The following PDE4B variants were observed in gnomAD, a reference collection of about 807,000 sequenced individuals.
PDE4B encodes the protein phosphodiesterase 4B, also known as 3',5'-cyclic-AMP phosphodiesterase 4B.
A neutral mutation model predicts 82.2 loss-of-function variants in PDE4B; 20 were observed. That is an observed-to-expected ratio of 0.24 (90% CI 0.17 to 0.35). The LOEUF is 0.35. PDE4B is among the 10% of genes least tolerant of loss of function. The probability of loss-of-function intolerance (pLI) is 1.00; values close to 1 mark genes in which losing one functional copy is unlikely to be tolerated. For synonymous variants in PDE4B, 320 were observed against 318.9 expected (o/e 1.00, Z -0.04); for missense variants, 655 against 907.2 (o/e 0.72, Z 3.57).
At chr1:65,865,597 A>G (rs1646502039) in intron 1 of PDE4B, among the ~76,000 whole-genome samples, 1 of 152,156 alleles carries the variant, frequency 6.6e-6, no homozygotes, top group African/African-American at 2.4e-5. Context: ...GGTGGGCCCA[A>G]TAGCACAGTC....
In PDE4B at chr1:65,893,400, G is replaced by A. The variant is rs370764444; in HGVS notation, c.-70-19845G>A. ...ATGCTCAACATCACTAATCATCAGC[G>A]AAATGCAAATTAAACCCACAATGAG... On this transcript the variant is annotated intron_variant, in intron 1 of 16. Coordinates refer to ENST00000341517, the MANE Select transcript of PDE4B (RefSeq NM_002600.4). Among the ~76,000 whole-genome samples the A allele has an allele frequency of 9.9e-5, 15 of 151,988 alleles. No homozygotes were observed. The South Asian group carries it at 2.3e-3, about 23-fold the overall frequency.
At chr1:65,918,553 C>A (rs1455904290) in intron 2 of PDE4B, 44 bp from the exon 3 acceptor site, 1 of 1,172,144 alleles carries the variant, frequency 8.5e-7, no homozygotes, top group Non-Finnish European at 1.3e-6. Context: ...ATTTGAATTT[C>A]ATTTTCTTTC....
chr1:66,222,362 A>G (rs1163885889), intron 3 of PDE4B, among the ~76,000 whole-genome samples: 2 of 152,236 alleles, frequency 1.3e-5, no homozygotes, highest in African/African-American at 4.8e-5. Context: ...CTTTAATGAC[A>G]ATATTTAATT....
At chr1:65,999,659 A>T (rs1185564986) in intron 3 of PDE4B, among the ~76,000 whole-genome samples, 2 of 152,136 alleles carry the variant, frequency 1.3e-5, no homozygotes, top group Non-Finnish European at 2.9e-5. Flanking sequence ...TACATTATAG[A>T]CATGCTTATT....
At position 66,032,901 on chromosome 1, in the gene PDE4B, G is replaced by A. The variant is rs149772318; in HGVS notation, c.281+114066G>A. Among the ~76,000 whole-genome samples the A allele has an allele frequency of 1.9e-4, 28 of 151,172 alleles. 1 individual carries two copies. In the East Asian group the frequency reaches 2.7e-3, roughly 15 times the overall value. ...GATCTTCTGACCTTGTGATCCACCC[G>A]CCTCAGCCTCCCAAAGTGCTGGGAT... On this transcript the variant is annotated intron_variant, in intron 3 of 16. Transcript: ENST00000341517.
At chr1:66,011,265 T>A (rs1241950294) in intron 3 of PDE4B, among the ~76,000 whole-genome samples, 1 of 151,938 alleles carries the variant, frequency 6.6e-6, no homozygotes, top group Non-Finnish European at 1.5e-5. Context: ...TTAGCTCTAT[T>A]TCTATGGATG....
intron 3 of PDE4B, among the ~76,000 whole-genome samples, chr1:66,079,646 A>T (rs1656621832): frequency 6.6e-6 from 1 of 152,178 alleles, no homozygotes; most frequent in Non-Finnish European, 1.5e-5. Context: ...GCACAGCTTG[A>T]TGGAGTGGGG....
intron 7 of PDE4B, among the ~76,000 whole-genome samples, chr1:66,289,704 TTA>T (rs35797677): frequency 0.53 from 79,120 of 148,154 alleles, 21,534 homozygotes; most frequent in Non-Finnish European, 0.6. Context: ...AGAGAAAATG[TTA>T]TATATATATA....
intron 1 of PDE4B, 103 bp from the exon 2 acceptor site, chr1:65,913,142 A>T: frequency 2.0e-6 from 1 of 505,072 alleles, no homozygotes. Flanking sequence ...TTGCTTTTAC[A>T]TGTACATTGT....
chr1:66,089,331 G>A (rs1378598415), intron 3 of PDE4B, among the ~76,000 whole-genome samples: 1 of 152,048 alleles, frequency 6.6e-6, no homozygotes, highest in African/African-American at 2.4e-5. Flanking sequence ...TTAGTGTTTT[G>A]ATTTTGTAAT....
At chr1:66,372,259 T>C in intron 16 of PDE4B, 54 bp from the exon 17 acceptor site, 1 of 1,526,276 alleles carries the variant, frequency 6.6e-7, no homozygotes, top group Admixed American at 2.1e-5. Flanking sequence ...GGAAACCTTG[T>C]TTACTTTTCA....
chr1:65,998,920 G>A (rs1651705618), intron 3 of PDE4B, among the ~76,000 whole-genome samples: 1 of 151,734 alleles, frequency 6.6e-6, no homozygotes, highest in Non-Finnish European at 1.5e-5. Flanking sequence ...GAATCAAATG[G>A]CAGTAGAAAT....
At chr1:66,044,706 A>C (rs777000988) in intron 3 of PDE4B, among the ~76,000 whole-genome samples, 8 of 151,796 alleles carry the variant, frequency 5.3e-5, no homozygotes, top group African/African-American at 9.7e-5. Flanking sequence ...TATTTTCCAA[A>C]TAATTAAGAC....
chr1:66,074,388 G>A (rs183584909), intron 3 of PDE4B, among the ~76,000 whole-genome samples: 186 of 152,166 alleles, frequency 1.2e-3, no homozygotes, highest in Middle Eastern at 6.8e-3. Flanking sequence ...CTTACTGAAC[G>A]GAGATACTTG....
intron 3 of PDE4B, among the ~76,000 whole-genome samples, chr1:66,147,008 G>T (rs1646288066): frequency 6.6e-6 from 1 of 152,086 alleles, no homozygotes; most frequent in South Asian, 2.1e-4. Flanking sequence ...GCTCTCAAGG[G>T]TTTATATATG....
At chr1:66,207,918 TC>T (rs1649689837) in intron 3 of PDE4B, among the ~76,000 whole-genome samples, 1 of 152,240 alleles carries the variant, frequency 6.6e-6, no homozygotes. Context: ...GGCTTGTTTA[TC>T]CTCCTTATAT....
intron 3 of PDE4B, among the ~76,000 whole-genome samples, chr1:65,980,891 T>C (rs2100651167): frequency 6.6e-6 from 1 of 152,262 alleles, no homozygotes; most frequent in African/African-American, 2.4e-5. Flanking sequence ...TCATTAGAAT[T>C]TGGTCTCTTG....
chr1:66,271,559 T>G (rs1655479958), intron 7 of PDE4B, among the ~76,000 whole-genome samples: 1 of 151,994 alleles, frequency 6.6e-6, no homozygotes, highest in African/African-American at 2.4e-5. Flanking sequence ...GCTATAGCAG[T>G]AAGCCAGAGA....
At chr1:66,232,563 G>A (rs1191049375) in intron 3 of PDE4B, among the ~76,000 whole-genome samples, 1 of 152,132 alleles carries the variant, frequency 6.6e-6, no homozygotes, top group African/African-American at 2.4e-5. Flanking sequence ...AAAGAAAAGA[G>A]CGTAAAGCTG....
Sources: allele counts gnomAD v4.1 joint callset (sites outside exome capture counted in the v4.1 genomes callset), GRCh38; gene constraint gnomAD v4.1.1; transcripts MANE v1.5; gene names NCBI Gene and HGNC (gene_info 2026-07-23, HGNC 2026-07-21).